Variants in ALDH1L1 observed in about 807,000 individuals in gnomAD.
The protein encoded by ALDH1L1 is cytosolic 10-formyltetrahydrofolate dehydrogenase.
In ALDH1L1, 68 loss-of-function variants were observed where a neutral mutation model predicts 101.1. The ratio of observed to expected loss-of-function variants is 0.67; its 90% CI spans 0.55 to 0.82. The LOEUF (loss-of-function observed/expected upper bound fraction) is 0.82, where lower values mean the gene tolerates loss of function less well. Ranked by LOEUF, ALDH1L1 falls within the 40% of genes least tolerant of loss-of-function variation. The pLI is 0.00. For synonymous variants in ALDH1L1, 486 were observed against 470.8 expected (o/e 1.03, Z -0.42); for missense variants, 1,087 against 1,172.7 (o/e 0.93, Z 1.07).
At chr3:126,137,692 G>T (rs1576446753) in intron 10 of ALDH1L1, 121 bp downstream of exon 10, 10 of 1,374,412 alleles carry the variant, frequency 7.3e-6, no homozygotes, top group East Asian at 4.7e-5. Context: ...GAAACTGAAG[G>T]GTGGGCTCCT....
At chr3:126,189,804 A>G (rs2108353593) in intron 1 of ALDH1L1, among the ~76,000 whole-genome samples, 1 of 152,348 alleles carries the variant, frequency 6.6e-6, no homozygotes, top group South Asian at 2.1e-4. Context: ...TAACTACTAC[A>G]TAAAGGTTCA....
In ALDH1L1 at chr3:126,180,512, T is replaced by G; in HGVS notation, c.-60A>C. 9.9e-7 allele frequency: 1 copy of G among 1,011,612 alleles called. No individual in the cohort carries two copies. The highest frequency in any genetic ancestry group is 1.2e-6 in the Non-Finnish European group (1 of 845,514). The allele number at this position is 1,011,612 out of a possible 1,614,324, so 62.7% of individuals were successfully genotyped here. On this transcript the variant is annotated 5_prime_UTR_variant, in exon 1 of 23. Coordinates refer to ENST00000393434, the MANE Select transcript of ALDH1L1 (RefSeq NM_012190.4). ...GTTGGTGCGGGCGTCCCGGGCAGGT[T>G]AGACTTCTGTGAGCCGCAGCCCCGA...
chr3:126,114,539 TC>T lies in ALDH1L1; in HGVS notation c.2082+17del. 2 of 1,487,316 alleles carry T rather than the reference TC, an allele frequency of 1.3e-6. No homozygotes were observed. The highest frequency in any genetic ancestry group is 1.8e-6 in the Non-Finnish European group (2 of 1,118,262). 92.1% of individuals were successfully genotyped at this position (1,487,316 alleles called of 1,614,324 possible). A position where few individuals can be genotyped will look rare whatever the true frequency, so the allele number is the denominator to read the frequency against. On this transcript the variant is annotated intron_variant, in intron 18 of 22. Coordinates refer to ENST00000393434, the MANE Select transcript of ALDH1L1 (RefSeq NM_012190.4). ...GTTCCCGCTCACTGTCCCTGCCCCC[TC>T]CAGGCCCGGCCCTCACCATCTGCAC...
intron 1 of ALDH1L1, among the ~76,000 whole-genome samples, chr3:126,167,858 T>C (rs1489070774): frequency 3.3e-5 from 5 of 152,146 alleles, no homozygotes; most frequent in Non-Finnish European, 1.5e-5. Context: ...AAAACAGCAT[T>C]ATATTTCAGA....
At chr3:126,185,789 T>C (rs2081513990), upstream of ALDH1L1, among the ~76,000 whole-genome samples, 1 of 152,232 alleles carries the variant, frequency 6.6e-6, no homozygotes, top group Non-Finnish European at 1.5e-5. Context: ...TGATATTAGA[T>C]TCTCATTTTC....
Position 126,146,688 on chromosome 3 carries a change from G to A in ALDH1L1, c.1076+147C>T, listed in dbSNP as rs559272841. Reference sequence around the variant, plus strand: ...TTTGTGCTGCCCACCATGTGTGCACGCAGACCTGCACACTGGCCCTTCCTG... The same window carrying A: ...TTTGTGCTGCCCACCATGTGTGCACACAGACCTGCACACTGGCCCTTCCTG... On this transcript the variant is annotated intron_variant, in intron 9 of 22. Transcript: ENST00000393434. 2.3e-4 allele frequency: 174 copies of A among 741,822 alleles called. No individual in the cohort carries two copies. In the African/African-American group the frequency reaches 2.8e-3, roughly 12 times the overall value. 46.0% of individuals were successfully genotyped at this position (741,822 alleles called of 1,614,324 possible).
intron 17 of ALDH1L1, among the ~76,000 whole-genome samples, chr3:126,116,618 G>A (rs1020724589): frequency 6.6e-6 from 1 of 152,180 alleles, no homozygotes; most frequent in African/African-American, 2.4e-5. Context: ...AGGCAAACCT[G>A]CAGTGACTAC....
At chr3:126,181,270 T>G (rs1221869567), upstream of ALDH1L1, 1 of 515,918 alleles carries the variant, frequency 1.9e-6, no homozygotes, top group Non-Finnish European at 3.5e-6. Flanking sequence ...AATTGCGTAT[T>G]GTTTCATGAC....
chr3:126,104,702 G>C (rs899386282), intron 22 of ALDH1L1: 6 of 152,562 alleles, frequency 3.9e-5, no homozygotes, highest in African/African-American at 1.4e-4. Flanking sequence ...TGTGAGTCCA[G>C]CCCTGTGGGC....
intron 17 of ALDH1L1, chr3:126,114,935 T>C (rs1485296323): frequency 1.9e-6 from 1 of 518,694 alleles, no homozygotes; most frequent in Admixed American, 2.3e-5. Flanking sequence ...TGTGTTCCCT[T>C]CTCTGGGGTG....
chr3:126,186,465 G>T (rs538382316), upstream of ALDH1L1, among the ~76,000 whole-genome samples: 94 of 152,324 alleles, frequency 6.2e-4, no homozygotes, highest in Middle Eastern at 3.4e-3. Context: ...CAGGGCCAGG[G>T]ACAGCAGGGC....
chr3:126,146,875 C>T lies in ALDH1L1; in HGVS notation c.1036G>A (p.Asp346Asn). ...PKVLEVEDSTDFFKSGAASVD... is the reference protein window; with the variant it reads ...PKVLEVEDSTNFFKSGAASVD... Reference sequence around the variant, plus strand: ...GACGCGGCCCCTGACTTGAAGAAATCAGTGGAGTCTTCAACCTCCAGGACT... The same window carrying T: ...GACGCGGCCCCTGACTTGAAGAAATTAGTGGAGTCTTCAACCTCCAGGACT... The change falls in exon 9 of 23, where the codon GAT becomes AAT. Residue 346 changes from aspartate (D) to asparagine (N), a missense_variant. Coordinates refer to ENST00000393434, the MANE Select transcript of ALDH1L1 (RefSeq NM_012190.4). 1.2e-6 allele frequency: 2 copies of T among 1,614,180 alleles called. No individual in the cohort carries two copies. The highest frequency in any genetic ancestry group is 2.2e-5 in the East Asian group (1 of 44,882).
At chr3:126,161,678 C>T (rs929904167) in intron 1 of ALDH1L1, among the ~76,000 whole-genome samples, 3 of 152,320 alleles carry the variant, frequency 2.0e-5, no homozygotes, top group African/African-American at 7.2e-5. Context: ...CTATTATTCA[C>T]TTAATACAGT....
chr3:126,105,512 C>T, intron 22 of ALDH1L1: 3 of 614,486 alleles, frequency 4.9e-6, no homozygotes, highest in South Asian at 3.6e-5. Flanking sequence ...CTCCAGGCCC[C>T]TCTTCTTGCC....
intron 21 of ALDH1L1, among the ~76,000 whole-genome samples, chr3:126,106,516 G>C (rs1945876822): frequency 6.6e-6 from 1 of 152,186 alleles, no homozygotes; most frequent in Non-Finnish European, 1.5e-5. Flanking sequence ...TTCCAGCCCA[G>C]CCTGGTCTGG....
At chr3:126,130,132 G>C (rs1454916532) in intron 14 of ALDH1L1, 91 bp downstream of exon 14, 4 of 1,216,180 alleles carry the variant, frequency 3.3e-6, no homozygotes, top group Non-Finnish European at 4.4e-6. Context: ...GCACGCACAG[G>C]GTGCTGTGAG....
intron 9 of ALDH1L1, among the ~76,000 whole-genome samples, chr3:126,143,890 G>A (rs532673951): frequency 5.9e-5 from 9 of 152,202 alleles, no homozygotes; most frequent in Non-Finnish European, 1.3e-4. Flanking sequence ...GCTGCATTGG[G>A]CTATGATCAA....
At chr3:126,125,751 C>T in intron 14 of ALDH1L1, 30 bp from the exon 15 acceptor site, 2 of 1,470,026 alleles carry the variant, frequency 1.4e-6, no homozygotes, top group South Asian at 1.4e-5. Flanking sequence ...GGCCTTTGTC[C>T]TTCTTCTCCA....
intron 9 of ALDH1L1, among the ~76,000 whole-genome samples, chr3:126,138,506 C>T (rs549771297): frequency 9.2e-5 from 14 of 152,238 alleles, no homozygotes; most frequent in Middle Eastern, 3.4e-3. Context: ...GAAATATGGA[C>T]GGCAAATAAG....
Sources: allele counts gnomAD v4.1 joint callset (sites outside exome capture counted in the v4.1 genomes callset), GRCh38; gene constraint gnomAD v4.1.1; transcripts MANE v1.5; gene names NCBI Gene and HGNC (gene_info 2026-07-23, HGNC 2026-07-21).